PIEZO2: variants seen among roughly 807,000 people sequenced by gnomAD.
PIEZO2 encodes the protein piezo type mechanosensitive ion channel component 2.
In PIEZO2, 172 loss-of-function variants were observed where a neutral mutation model predicts 337.3. That is an observed-to-expected ratio of 0.51 (90% CI 0.45 to 0.58). The LOEUF (loss-of-function observed/expected upper bound fraction) is 0.58. Among genes scored for constraint, PIEZO2 ranks in the 20% least tolerant of loss-of-function variants. The pLI, the probability that PIEZO2 is intolerant of heterozygous loss-of-function variation, is 0.00. For missense variants in PIEZO2, 3,028 were observed against 3,391.3 expected (o/e 0.89, Z 2.66); for synonymous variants, 1,251 against 1,228.5 (o/e 1.02, Z -0.38).
rs558783355 is a variant in PIEZO2, at chr18:10,704,406, G to A, written c.6246C>T (p.Ile2082=). 20 of 1,537,172 alleles carry A rather than the reference G, an allele frequency of 1.3e-5. No homozygotes were observed. Among genetic ancestry groups the A allele is most frequent in the Admixed American group, 7.8e-5 (4 of 50,990 alleles). The change falls in exon 42 of 56, where the codon ATC becomes ATT. Residue 2082 remains isoleucine (I), a synonymous_variant. Transcript: ENST00000674853. ...RPSRRFWMMA[I]VYTEVAIVVK... is the part of the protein sequence containing the mutation. The stretch of plus-strand genomic sequence containing the variant: ...CGTCCAGGCCTACCTCAGTATAGAC[G>A]ATGGCCATCATCCAGAACCGGCGGC...
intron 34 of PIEZO2, among the ~76,000 whole-genome samples, chr18:10,736,015 A>G (rs2036979928): frequency 2.0e-5 from 3 of 152,246 alleles, no homozygotes; most frequent in African/African-American, 4.8e-5. Context: ...AATATGCTAC[A>G]TTAGGCTGGT....
intron 2 of PIEZO2, among the ~76,000 whole-genome samples, chr18:10,986,585 G>A (rs1397083246): frequency 7.9e-5 from 12 of 151,766 alleles, no homozygotes; most frequent in African/African-American, 1.7e-4. Flanking sequence ...TTAACACAAC[G>A]AAAACCATAT....
intron 27 of PIEZO2, among the ~76,000 whole-genome samples, chr18:10,757,177 C>A (rs1013511871): frequency 7.6e-6 from 1 of 131,582 alleles, no homozygotes; most frequent in East Asian, 2.4e-4. Flanking sequence ...TATGTGGATA[C>A]GAATGAGGGA....
chr18:10,988,510 C>T lies in PIEZO2; in HGVS notation c.161-8850G>A, dbSNP rs1300120537. On this transcript the variant is annotated intron_variant, in intron 2 of 55. Coordinates refer to ENST00000674853, the MANE Select transcript of PIEZO2 (RefSeq NM_001378183.1). This position sits in a 1 kb window ranked among gnomAD's most constrained non-coding sequence, Gnocchi z 4.8. ...TTGGTGAAAATGTAACTTGGTAGCTCCATTATGAAAAATAGTATGGAGATT... is the reference window on the plus strand; with the variant it reads ...TTGGTGAAAATGTAACTTGGTAGCTTCATTATGAAAAATAGTATGGAGATT... Among the ~76,000 whole-genome samples, 1 of 152,002 alleles carries T rather than the reference C, an allele frequency of 6.6e-6. No homozygotes were observed. Among genetic ancestry groups the T allele is most frequent in the Admixed American group, 6.6e-5 (1 of 15,244 alleles).
At chr18:11,017,025 C>T (rs2036139315) in intron 2 of PIEZO2, among the ~76,000 whole-genome samples, 1 of 152,166 alleles carries the variant, frequency 6.6e-6, no homozygotes, top group Admixed American at 6.5e-5. Context: ...CCAGGTACAC[C>T]AGCCTGGAGA....
At chr18:11,123,279 A>AT (rs893293260) in intron 1 of PIEZO2, among the ~76,000 whole-genome samples, 1 of 152,206 alleles carries the variant, frequency 6.6e-6, no homozygotes, top group African/African-American at 2.4e-5. Flanking sequence ...TTGGATTTTA[A>AT]TTTTGCTTCC....
chr18:10,960,148 G>A (rs1226321565), intron 3 of PIEZO2, among the ~76,000 whole-genome samples: 1 of 152,052 alleles, frequency 6.6e-6, no homozygotes, highest in East Asian at 1.9e-4. Flanking sequence ...TCTTTTTATT[G>A]AAGTTATAAA....
intron 4 of PIEZO2, among the ~76,000 whole-genome samples, chr18:10,875,870 T>C (rs934593278): frequency 6.6e-6 from 1 of 152,246 alleles, no homozygotes; most frequent in Non-Finnish European, 1.5e-5. Flanking sequence ...GAATGTAGTT[T>C]GCTAAAGCAA....
At chr18:11,022,967 A>T (rs2036369873) in intron 2 of PIEZO2, among the ~76,000 whole-genome samples, 1 of 151,774 alleles carries the variant, frequency 6.6e-6, no homozygotes, top group South Asian at 2.1e-4. Flanking sequence ...GCACCTTCGC[A>T]GCGAGTGTTA....
chr18:11,055,166 G>C (rs1018477170), intron 2 of PIEZO2, among the ~76,000 whole-genome samples: 10 of 142,750 alleles, frequency 7.0e-5, no homozygotes, highest in Non-Finnish European at 1.0e-4. Context: ...AGCCGAGATC[G>C]TGCCACTGCA....
rs2040730578 is a variant in PIEZO2, at chr18:11,143,663, T to TCC, written c.64+4861_64+4862insGG. On this transcript the variant is annotated intron_variant, in intron 1 of 55. Transcript: ENST00000674853. This position sits in a 1 kb window ranked among gnomAD's most constrained non-coding sequence, Gnocchi z 4.9. ...CACTCTCTCTCTCTCTCTCTCTCTC[T>TCC]CTCTCTCTCACTCTCTCTCTCTCAC... is the stretch of plus-strand genomic sequence containing the variant. Among the ~76,000 whole-genome samples the TCC allele has an allele frequency of 6.7e-6, 1 of 150,178 alleles. No individual in the cohort carries two copies. Among genetic ancestry groups the TCC allele is most frequent in the Non-Finnish European group, 1.5e-5 (1 of 67,492 alleles).
chr18:10,819,456 T>A lies in PIEZO2; in HGVS notation c.918-12182A>T, dbSNP rs1329245479. Among the ~76,000 whole-genome samples, 1 of 152,218 alleles carries A rather than the reference T, an allele frequency of 6.6e-6. No individual in the cohort carries two copies. Among genetic ancestry groups the A allele is most frequent in the Non-Finnish European group, 1.5e-5 (1 of 68,030 alleles). ...AATGCTGAAGATATAAGCATACCAA[T>A]GTATTCCAAAGACTCAGCTATGAAG... On this transcript the variant is annotated intron_variant, in intron 7 of 55. Coordinates refer to ENST00000674853, the MANE Select transcript of PIEZO2 (RefSeq NM_001378183.1). This position sits in a 1 kb window ranked among gnomAD's most constrained non-coding sequence, Gnocchi z 4.3.
At position 11,129,783 on chromosome 18, in the gene PIEZO2, C is replaced by T. The variant is rs1245392987; in HGVS notation, c.64+18742G>A. 6.6e-6 allele frequency among the ~76,000 whole-genome samples: 1 copy of T among 152,130 alleles called. No homozygotes were observed. Among genetic ancestry groups the T allele is most frequent in the Non-Finnish European group, 1.5e-5 (1 of 68,028 alleles). On this transcript the variant is annotated intron_variant, in intron 1 of 55. Coordinates refer to ENST00000674853, the MANE Select transcript of PIEZO2 (RefSeq NM_001378183.1). This position sits in a 1 kb window ranked among gnomAD's most constrained non-coding sequence, Gnocchi z 4.6. ...ACTACTGGCTCTGGCTCTGAGCTGA[C>T]GTTGGATCCAGGGGACCCAAAATGT...
At chr18:11,076,758 T>C (rs1055585861) in intron 1 of PIEZO2, among the ~76,000 whole-genome samples, 1 of 152,218 alleles carries the variant, frequency 6.6e-6, no homozygotes, top group Non-Finnish European at 1.5e-5. Context: ...TATTAAACAG[T>C]ATGTCATATC....
intron 36 of PIEZO2, among the ~76,000 whole-genome samples, chr18:10,720,234 G>GCGTATATATATATA (rs1555631512): frequency 4.2e-5 from 5 of 119,910 alleles, no homozygotes; most frequent in African/African-American, 1.7e-4. Flanking sequence ...GTGTGTGTGT[G>GCGTATATATATATA]TATATATATA....
intron 2 of PIEZO2, among the ~76,000 whole-genome samples, chr18:11,005,990 T>C (rs1402678272): frequency 1.3e-5 from 2 of 152,240 alleles, no homozygotes; most frequent in African/African-American, 4.8e-5. Flanking sequence ...GCTATAATGA[T>C]ATTTTTTCAT....
intron 1 of PIEZO2, among the ~76,000 whole-genome samples, chr18:11,088,266 G>A (rs996059188): frequency 1.6e-4 from 24 of 152,236 alleles, no homozygotes; most frequent in African/African-American, 5.3e-4. Flanking sequence ...AGTAAGCAGA[G>A]GACAGAGCTC....
At chr18:11,136,055 A>T (rs1414487570) in intron 1 of PIEZO2, among the ~76,000 whole-genome samples, 2 of 152,230 alleles carry the variant, frequency 1.3e-5, no homozygotes, top group African/African-American at 4.8e-5. Context: ...TTTGATACCC[A>T]ATTTAAGAAA....
rs2033859930 is a variant in PIEZO2, at chr18:10,673,320, C to T, written c.8162-447G>A. ...TTCCAAAATTGCATATAACATTGTTCCTTATCTCCATGGGAAAAGACTGTA... is the reference window on the plus strand; with the variant it reads ...TTCCAAAATTGCATATAACATTGTTTCTTATCTCCATGGGAAAAGACTGTA... On this transcript the variant is annotated intron_variant, in intron 54 of 55. Transcript: ENST00000674853. This position sits in a 1 kb window ranked among gnomAD's most constrained non-coding sequence, Gnocchi z 4.8. Among the ~76,000 whole-genome samples the T allele has an allele frequency of 6.6e-6, 1 of 152,164 alleles. No homozygotes were observed. The highest frequency in any genetic ancestry group is 2.4e-5 in the African/African-American group (1 of 41,438).
Sources: allele counts gnomAD v4.1 joint callset (sites outside exome capture counted in the v4.1 genomes callset), GRCh38; gene constraint gnomAD v4.1.1; non-coding constraint Gnocchi (gnomAD v3.1); transcripts MANE v1.5; gene names NCBI Gene and HGNC (gene_info 2026-07-23, HGNC 2026-07-21).